The following CFAP91 variants were observed in gnomAD, a reference collection of about 807,000 sequenced individuals.
CFAP91 encodes cilia and flagella associated protein 91, also known as cilia- and flagella-associated protein 91.
A neutral mutation model predicts 95.9 loss-of-function variants in CFAP91; 85 were observed. The observed-to-expected ratio is 0.89, with a 90% CI of 0.74 to 1.06. CFAP91 has a LOEUF of 1.06. CFAP91 is among the 50% of genes least tolerant of loss of function. The pLI, the probability that CFAP91 is intolerant of heterozygous loss-of-function variation, is 0.00. For missense variants in CFAP91, 962 were observed against 943.4 expected (o/e 1.02, Z -0.26); for synonymous variants, 335 against 327.5 (o/e 1.02, Z -0.25).
chr3:119,715,922 C>G lies in CFAP91; in HGVS notation c.682+179C>G, dbSNP rs185798118. ...ACTTCTGGTCAAATAAAGATACTAT[C>G]TTTTTATTGTGAGTAGTTTTATCGT... On this transcript the variant is annotated intron_variant, in intron 6 of 17. Coordinates refer to ENST00000273390, the MANE Select transcript of CFAP91 (RefSeq NM_033364.4). The G allele has an allele frequency of 5.5e-5, 34 of 614,648 alleles. No homozygotes were observed. The East Asian group carries it at 9.0e-4, about 16-fold the overall frequency. The allele number at this position is 614,648 out of a possible 1,614,324, so 38.1% of individuals were successfully genotyped here. A position where few individuals can be genotyped will look rare whatever the true frequency, so the allele number is the denominator to read the frequency against.
At chr3:119,706,011 C>A (rs2053352630) in intron 1 of CFAP91, 1 of 152,192 alleles carries the variant, frequency 6.6e-6, no homozygotes, top group African/African-American at 2.4e-5. Flanking sequence ...TTATTAATTT[C>A]TATGGAGAAA....
chr3:119,747,317 TATA>T lies in CFAP91; in HGVS notation c.2051+55_2051+57del, dbSNP rs1167053604. ...TGGACAGCCCATTTGCTGGTACTCA[TATA>T]TATTTTTTCAAGAGCTTACAATTTC... On this transcript the variant is annotated intron_variant, in intron 15 of 17. Transcript: ENST00000273390. 116 of 1,546,966 alleles carry T rather than the reference TATA, an allele frequency of 7.5e-5. No individual in the cohort carries two copies. In the South Asian group the frequency reaches 8.5e-4, roughly 11 times the overall value.
chr3:119,708,360 T>C (rs552828854), intron 3 of CFAP91, among the ~76,000 whole-genome samples: 101 of 152,178 alleles, frequency 6.6e-4, no homozygotes, highest in African/African-American at 2.4e-3. Flanking sequence ...ATTTCATAAA[T>C]CCACTCTTTT....
At chr3:119,759,552 T>TA (rs1451404239) in intron 17 of CFAP91, among the ~76,000 whole-genome samples, 1 of 151,966 alleles carries the variant, frequency 6.6e-6, no homozygotes, top group Non-Finnish European at 1.5e-5. Flanking sequence ...TATGAAAGTA[T>TA]AAAACTCATT....
intron 9 of CFAP91, among the ~76,000 whole-genome samples, chr3:119,732,784 A>G (rs1405807697): frequency 6.6e-6 from 1 of 152,250 alleles, no homozygotes; most frequent in Admixed American, 6.5e-5. Flanking sequence ...GAAGCCAACA[A>G]GAAATATGTA....
At chr3:119,719,444 A>G (rs2053640426) in intron 6 of CFAP91, among the ~76,000 whole-genome samples, 1 of 152,224 alleles carries the variant, frequency 6.6e-6, no homozygotes, top group South Asian at 2.1e-4. Context: ...AAAAATAACG[A>G]CAGTGAAAAA....
chr3:119,747,744 A>G, intron 15 of CFAP91, 67 bp from the exon 16 acceptor site: 2 of 1,333,072 alleles, frequency 1.5e-6, no homozygotes, highest in Non-Finnish European at 2.1e-6. Context: ...ACACAGCAGG[A>G]AAGCATAAAT....
intron 17 of CFAP91, among the ~76,000 whole-genome samples, chr3:119,758,788 TCA>T (rs1333918680): frequency 6.6e-6 from 1 of 152,114 alleles, no homozygotes; most frequent in Non-Finnish European, 1.5e-5. Flanking sequence ...GGGAAAAATC[TCA>T]TTTTCAAAGA....
At chr3:119,717,148 C>T (rs934426418) in intron 6 of CFAP91, among the ~76,000 whole-genome samples, 1 of 152,178 alleles carries the variant, frequency 6.6e-6, no homozygotes, top group Non-Finnish European at 1.5e-5. Flanking sequence ...AAGTCACCTG[C>T]CTGAAGGTGA....
chr3:119,755,322 G>A (rs753274858), intron 17 of CFAP91, among the ~76,000 whole-genome samples: 19 of 152,188 alleles, frequency 1.2e-4, no homozygotes, highest in South Asian at 2.1e-4. Context: ...TTGAAAATGC[G>A]TATGTTGAAG....
At chr3:119,748,706 T>A (rs1345923147) in intron 16 of CFAP91, among the ~76,000 whole-genome samples, 1 of 152,198 alleles carries the variant, frequency 6.6e-6, no homozygotes, top group Non-Finnish European at 1.5e-5. Context: ...AAGAAATACC[T>A]GATTTTTCCA....
intron 2 of CFAP91, chr3:119,707,185 A>G (rs2053381219): frequency 1.9e-6 from 1 of 527,402 alleles, no homozygotes; most frequent in African/African-American, 1.9e-5. Flanking sequence ...GTGTGAAGTA[A>G]ATTCTAGCCC....
chr3:119,708,813 A>C, intron 4 of CFAP91, 139 bp downstream of exon 4: 1 of 563,662 alleles, frequency 1.8e-6, no homozygotes, highest in East Asian at 3.1e-5. Flanking sequence ...ATATGATCTA[A>C]TCGTTAAAAC....
intron 7 of CFAP91, among the ~76,000 whole-genome samples, chr3:119,726,807 C>T (rs1340220551): frequency 6.7e-6 from 1 of 148,616 alleles, no homozygotes; most frequent in African/African-American, 2.5e-5. Flanking sequence ...CTAGTCCTAG[C>T]TCTTACCCAC....
intron 6 of CFAP91, 171 bp downstream of exon 6, chr3:119,715,914 G>T: frequency 1.6e-6 from 1 of 619,606 alleles, no homozygotes; most frequent in Non-Finnish European, 2.9e-6. Context: ...GTCAAATAAA[G>T]ATACTATCTT....
chr3:119,751,135 A>G, intron 17 of CFAP91, 37 bp downstream of exon 17: 1 of 1,564,874 alleles, frequency 6.4e-7, no homozygotes, highest in South Asian at 1.2e-5. Flanking sequence ...AAAGCAGAGA[A>G]AGGAAGAAAA....
chr3:119,760,495 T>C (rs1192916692), intron 17 of CFAP91, among the ~76,000 whole-genome samples: 1 of 151,578 alleles, frequency 6.6e-6, no homozygotes, highest in East Asian at 1.9e-4. Context: ...AAAAAATCAA[T>C]AGAGAAACAT....
chr3:119,703,620 G>GC lies in CFAP91; in HGVS notation c.124+400dup, dbSNP rs563990702. On this transcript the variant is annotated intron_variant, in intron 1 of 17. Coordinates refer to ENST00000273390, the MANE Select transcript of CFAP91 (RefSeq NM_033364.4). The stretch of plus-strand genomic sequence containing the variant: ...AAATCCAAGTTGGGCGAAAAGAAGT[G>GC]CCAGTTTATCCCATGCTTGTTTTTA... Among the ~76,000 whole-genome samples, 202 of 152,298 alleles carry GC rather than the reference G, an allele frequency of 1.3e-3. No homozygotes were observed. In the South Asian group the frequency reaches 0.025, roughly 19 times the overall value.
chr3:119,737,322 A>G, intron 10 of CFAP91, 44 bp from the exon 11 acceptor site: 1 of 1,262,612 alleles, frequency 7.9e-7, no homozygotes, highest in Non-Finnish European at 1.1e-6. Context: ...ATTTATGCAA[A>G]TTTTTGTTAA....
Sources: allele counts gnomAD v4.1 joint callset (sites outside exome capture counted in the v4.1 genomes callset), GRCh38; gene constraint gnomAD v4.1.1; transcripts MANE v1.5; gene names NCBI Gene and HGNC (gene_info 2026-07-23, HGNC 2026-07-21).